The following ESRRG variants were observed in gnomAD, a reference collection of about 807,000 sequenced individuals.
The protein encoded by ESRRG is estrogen-related receptor gamma.
In ESRRG, 13 loss-of-function variants were observed where a neutral mutation model predicts 44.0. The ratio of observed to expected loss-of-function variants is 0.30; its 90% CI spans 0.19 to 0.47. The LOEUF is 0.47. Ranked by LOEUF, ESRRG falls within the 20% of genes least tolerant of loss-of-function variation. ESRRG has a pLI of 1.00. For missense variants in ESRRG, 395 were observed against 580.6 expected, an observed-to-expected ratio of 0.68 and a Z score of 3.29; for synonymous variants, 215 against 214.6, an observed-to-expected ratio of 1.00 and a Z score of -0.02.
intron 5 of ESRRG, among the ~76,000 whole-genome samples, chr1:216,537,915 A>C (rs2149222724): frequency 6.6e-6 from 1 of 152,164 alleles, no homozygotes; most frequent in Middle Eastern, 3.4e-3. Context: ...TGTTCCAACT[A>C]TCATTTTCCC....
At chr1:216,615,251 C>T (rs1203129102) in intron 3 of ESRRG, among the ~76,000 whole-genome samples, 1 of 152,158 alleles carries the variant, frequency 6.6e-6, no homozygotes, top group Non-Finnish European at 1.5e-5. Context: ...CACCAACCTT[C>T]AGGGAAATCA....
chr1:216,708,086 T>G (rs1201715861), intron 1 of ESRRG, among the ~76,000 whole-genome samples: 1 of 152,184 alleles, frequency 6.6e-6, no homozygotes, highest in Non-Finnish European at 1.5e-5. Context: ...TTAGAATTTA[T>G]GTAGTTCATA....
At chr1:217,037,470 C>A (rs1411836765) in intron 1 of ESRRG, among the ~76,000 whole-genome samples, 1 of 152,086 alleles carries the variant, frequency 6.6e-6, no homozygotes, top group Non-Finnish European at 1.5e-5. Context: ...ACATGAGACC[C>A]ACTCGCCGTC....
rs74667638 is a variant in ESRRG, at chr1:216,753,315, A to T, written c.-13-75824T>A. 4.3e-3 allele frequency among the ~76,000 whole-genome samples: 651 copies of T among 152,174 alleles called. 7 individuals carry two copies. The highest frequency in any genetic ancestry group is 0.015 in the African/African-American group (628 of 41,540). ...GATTACTTCTTTGCAAAGATATGAC[A>T]ATTCAATTGGATGCTTTCAATTAAT... On this transcript the variant is annotated intron_variant, in intron 2 of 7. Transcript: ENST00000359162.
chr1:216,760,912 G>T (rs2092732435), intron 2 of ESRRG, among the ~76,000 whole-genome samples: 1 of 152,002 alleles, frequency 6.6e-6, no homozygotes. Flanking sequence ...ATAAGCAGAG[G>T]AATAGAAAGG....
chr1:216,664,700 A>G (rs1029795953), intron 2 of ESRRG, among the ~76,000 whole-genome samples: 2 of 150,958 alleles, frequency 1.3e-5, no homozygotes, highest in African/African-American at 2.4e-5. Flanking sequence ...AAGAAAAAAA[A>G]AAAAAAACAG....
intron 1 of ESRRG, among the ~76,000 whole-genome samples, chr1:216,704,399 C>G (rs73092176): frequency 0.14 from 21,096 of 152,090 alleles, 1,591 homozygotes; most frequent in East Asian, 0.28. Flanking sequence ...CACCTGTAAT[C>G]CCAGCTAGTT....
intron 2 of ESRRG, among the ~76,000 whole-genome samples, chr1:216,890,290 T>A (rs1454808573): frequency 6.6e-6 from 1 of 151,988 alleles, no homozygotes; most frequent in African/African-American, 2.4e-5. Context: ...AAAATAAATA[T>A]ATGCTTGCAA....
intron 2 of ESRRG, among the ~76,000 whole-genome samples, chr1:216,890,027 G>A (rs1252312737): frequency 6.6e-6 from 1 of 152,162 alleles, no homozygotes; most frequent in Non-Finnish European, 1.5e-5. Context: ...CACTTTGTGA[G>A]GCTGAGGTGG....
intron 1 of ESRRG, among the ~76,000 whole-genome samples, chr1:217,052,363 G>A (rs2086215558): frequency 6.6e-6 from 1 of 152,146 alleles, no homozygotes; most frequent in African/African-American, 2.4e-5. Flanking sequence ...AGGCACTTTG[G>A]GCAAGCCTGA....
At chr1:216,903,428 AGTGT>A (rs58137897) in intron 2 of ESRRG, among the ~76,000 whole-genome samples, 78,892 of 148,110 alleles carry the variant, frequency 0.53, 21,128 homozygotes, top group East Asian at 0.74. Context: ...TGTGTGTTCA[AGTGT>A]GTGTGTGTGT....
At chr1:216,588,548 G>A (rs994168702) in intron 3 of ESRRG, among the ~76,000 whole-genome samples, 50 of 152,244 alleles carry the variant, frequency 3.3e-4, no homozygotes, top group African/African-American at 9.9e-4. Context: ...ACACCCAAGC[G>A]ATTCGTTAAT....
At chr1:216,689,392 T>G (rs1329635207) in intron 1 of ESRRG, among the ~76,000 whole-genome samples, 1 of 152,092 alleles carries the variant, frequency 6.6e-6, no homozygotes, top group Non-Finnish European at 1.5e-5. Context: ...ATCAGCCAGG[T>G]TACATAATAT....
rs74496744 is a variant in ESRRG, at chr1:216,719,068, G to C, written c.56+4176C>G. On this transcript the variant is annotated intron_variant, in intron 1 of 6. Transcript: ENST00000408911. ...TTAACATCACTTTACAAGTAAGACA[G>C]AGAAATATTTTCTTTAGTCATTGAG... Among the ~76,000 whole-genome samples, 304 of 152,110 alleles carry C rather than the reference G, an allele frequency of 2.0e-3. 5 individuals are homozygous for C. In the East Asian group the frequency reaches 0.04, roughly 20 times the overall value.
intron 2 of ESRRG, among the ~76,000 whole-genome samples, chr1:216,827,853 C>T (rs12139635): frequency 0.081 from 12,387 of 152,096 alleles, 733 homozygotes; most frequent in East Asian, 0.26. Context: ...AGCTTATTTC[C>T]AAATAGAATC....
At chr1:216,723,433 C>A, upstream of ESRRG, 2 of 772,978 alleles carry the variant, frequency 2.6e-6, no homozygotes, top group South Asian at 1.5e-5. Flanking sequence ...AAAGCTCTCA[C>A]ACTCTCCTAA....
At chr1:216,515,844 T>C (rs1274122047) in intron 6 of ESRRG, among the ~76,000 whole-genome samples, 1 of 152,068 alleles carries the variant, frequency 6.6e-6, no homozygotes, top group African/African-American at 2.4e-5. Flanking sequence ...TTTAATCTTA[T>C]AGTATATAAT....
chr1:216,981,768 C>T (rs184669473), intron 1 of ESRRG, among the ~76,000 whole-genome samples: 2 of 152,102 alleles, frequency 1.3e-5, no homozygotes, highest in Non-Finnish European at 2.9e-5. Flanking sequence ...ATGCATTTTC[C>T]AAACCAAGAC....
chr1:216,580,331 C>G (rs2062518484), intron 3 of ESRRG, among the ~76,000 whole-genome samples: 1 of 151,664 alleles, frequency 6.6e-6, no homozygotes, highest in Non-Finnish European at 1.5e-5. Flanking sequence ...CTTAATGCAC[C>G]AGTGTACAGT....
Sources: allele counts gnomAD v4.1 joint callset (sites outside exome capture counted in the v4.1 genomes callset), GRCh38; gene constraint gnomAD v4.1.1; transcripts MANE v1.5; gene names NCBI Gene and HGNC (gene_info 2026-07-23, HGNC 2026-07-21).